EFHC2: variants seen among roughly 807,000 people sequenced by gnomAD.
EFHC2 encodes the protein EF-hand domain containing 2.
EFHC2 carries 18 observed loss-of-function variants against 52.7 expected under a neutral mutation model. The ratio of observed to expected loss-of-function variants is 0.34; its 90% CI spans 0.24 to 0.51. The LOEUF (loss-of-function observed/expected upper bound fraction) is 0.51, where lower values mean the gene tolerates loss of function less well. Ranked by LOEUF, EFHC2 falls within the 20% of genes least tolerant of loss-of-function variation. The pLI, the probability that EFHC2 is intolerant of heterozygous loss-of-function variation, is 0.97. For missense variants in EFHC2, 513 were observed against 562.5 expected (o/e 0.91, Z 0.89); for synonymous variants, 203 against 204.1 (o/e 0.99, Z 0.04).
At chrX:44,292,187 A>G (rs1293238174) in intron 2 of EFHC2, among the ~76,000 whole-genome samples, 4 of 110,676 alleles carry the variant, frequency 3.6e-5, no homozygotes, top group Non-Finnish European at 7.5e-5. Flanking sequence ...TTTATCTTTT[A>G]TAATATTTTT....
At position 44,232,528 on chromosome X, in the gene EFHC2, T is replaced by A. The variant is rs1368498617; in HGVS notation, c.1573A>T (p.Asn525Tyr). ...NVNGYLFRLL[N>Y]ADEYTLNYME... is the part of the protein sequence containing the mutation. ...TAGTTTAAGGTATACTCATCAGCAT[T>A]GAGCAAACGAAATAGGTAACCATTC... The change falls in exon 10 of 15, where the codon AAT becomes TAT. Residue 525 changes from asparagine (N) to tyrosine (Y), a missense_variant. Transcript: ENST00000420999. The A allele has an allele frequency of 8.5e-7, 1 of 1,179,063 alleles. No individual in the cohort carries two copies. Among genetic ancestry groups the A allele is most frequent in the East Asian group, 3.0e-5 (1 of 32,999 alleles).
intron 4 of EFHC2, among the ~76,000 whole-genome samples, chrX:44,254,855 G>A (rs2037479822): frequency 8.9e-6 from 1 of 111,872 alleles, no homozygotes; most frequent in Non-Finnish European, 1.9e-5. Flanking sequence ...AGGAAAAAGT[G>A]TCAAGGGCAG....
At chrX:44,315,274 G>A (rs1422714690) in intron 1 of EFHC2, among the ~76,000 whole-genome samples, 1 of 110,040 alleles carries the variant, frequency 9.1e-6, no homozygotes, top group African/African-American at 3.3e-5. Flanking sequence ...TTCTTGTACA[G>A]CCTGCAGAAC....
At chrX:44,272,419 G>A (rs887781138) in intron 3 of EFHC2, among the ~76,000 whole-genome samples, 4 of 112,087 alleles carry the variant, frequency 3.6e-5, no homozygotes, top group African/African-American at 1.3e-4. Context: ...AGGCACAGGA[G>A]AGTTTACTCA....
In EFHC2 at chrX:44,235,507, T is replaced by A; in HGVS notation, c.1281-60A>T. 3 of 1,060,261 alleles carry A rather than the reference T, an allele frequency of 2.8e-6. No homozygotes were observed. The Admixed American group carries it at 1.0e-4, about 35-fold the overall frequency. 87.4% of individuals were successfully genotyped at this position (1,060,261 alleles called of 1,213,427 possible). A position where few individuals can be genotyped will look rare whatever the true frequency, so the allele number is the denominator to read the frequency against. ...ACAGGTAATCTTCCACATATTATGT[T>A]TTTAAAAGTCTGCAAAAGATATAAT... is the stretch of plus-strand genomic sequence containing the variant. On this transcript the variant is annotated intron_variant, in intron 8 of 14. Transcript: ENST00000420999.
intron 13 of EFHC2, among the ~76,000 whole-genome samples, chrX:44,171,155 G>A (rs190166056): frequency 1.8e-5 from 2 of 111,262 alleles, no homozygotes; most frequent in East Asian, 2.8e-4. Flanking sequence ...ACGACCCCTC[G>A]AACATGCTTC....
At chrX:44,319,871 C>A (rs748462464) in intron 1 of EFHC2, among the ~76,000 whole-genome samples, 1 of 112,329 alleles carries the variant, frequency 8.9e-6, no homozygotes, top group East Asian at 2.8e-4. Context: ...GTTTCACAGC[C>A]TCTGACCCTA....
chrX:44,232,355 G>A (rs1243754433), intron 10 of EFHC2, 126 bp downstream of exon 10: 1 of 447,836 alleles, frequency 2.2e-6, no homozygotes, highest in Non-Finnish European at 3.4e-6. Context: ...CATTATTCAT[G>A]CCCACATGTG....
At chrX:44,316,971 A>G (rs1466291877) in intron 1 of EFHC2, among the ~76,000 whole-genome samples, 1 of 112,218 alleles carries the variant, frequency 8.9e-6, no homozygotes, top group Non-Finnish European at 1.9e-5. Flanking sequence ...GACCGTCATT[A>G]CAAGAGTTAC....
chrX:44,295,846 C>T (rs1376987045), intron 2 of EFHC2, among the ~76,000 whole-genome samples: 1 of 111,309 alleles, frequency 9.0e-6, no homozygotes, highest in African/African-American at 3.3e-5. Context: ...AATAATAAGC[C>T]AGTGTGGCTT....
At position 44,288,443 on chromosome X, in the gene EFHC2, G is replaced by A. The variant is rs1366862120; in HGVS notation, c.232-15607C>T. Among the ~76,000 whole-genome samples the A allele has an allele frequency of 2.7e-5, 3 of 110,175 alleles. No homozygotes were observed. In the Admixed American group the frequency reaches 2.9e-4, roughly 11 times the overall value. On this transcript the variant is annotated intron_variant, in intron 2 of 14. Transcript: ENST00000420999. ...AAAAAAAAAAACACACAAAGAGGGA[G>A]TAAAATAGCCCATAATGCTACCCAC... is the stretch of plus-strand genomic sequence containing the variant.
intron 14 of EFHC2, among the ~76,000 whole-genome samples, chrX:44,149,523 TA>T (rs2036552822): frequency 8.9e-6 from 1 of 112,038 alleles, no homozygotes; most frequent in Admixed American, 9.5e-5. Flanking sequence ...TTTATTTTAT[TA>T]TTTTTTTTAA....
intron 2 of EFHC2, chrX:44,310,491 A>G (rs903852136): frequency 1.7e-5 from 9 of 538,619 alleles, no homozygotes; most frequent in Non-Finnish European, 2.6e-5. Context: ...GTAGCGCGGC[A>G]AAGGAGAGTG....
chrX:44,175,684 A>T (rs968717087), intron 13 of EFHC2, among the ~76,000 whole-genome samples: 1 of 111,902 alleles, frequency 8.9e-6, no homozygotes, highest in Non-Finnish European at 1.9e-5. Flanking sequence ...TGAAAATGTC[A>T]GAATTATCAA....
At chrX:44,243,854 A>T (rs1287534864) in intron 7 of EFHC2, among the ~76,000 whole-genome samples, 1 of 112,077 alleles carries the variant, frequency 8.9e-6, no homozygotes, top group Non-Finnish European at 1.9e-5. Flanking sequence ...GCAGAATTGC[A>T]GTAGACTCTA....
chrX:44,270,933 G>A (rs960816369), intron 3 of EFHC2, among the ~76,000 whole-genome samples: 1 of 111,301 alleles, frequency 9.0e-6, no homozygotes, highest in Non-Finnish European at 1.9e-5. Flanking sequence ...CATACTAGTA[G>A]CAGGGAAGGT....
chrX:44,165,805 G>A (rs778457838), intron 13 of EFHC2, among the ~76,000 whole-genome samples: 1 of 111,523 alleles, frequency 9.0e-6, no homozygotes, highest in East Asian at 2.8e-4. Flanking sequence ...AGGAGTTGGG[G>A]CTTTAGGAAA....
At chrX:44,214,084 T>C (rs2037124080) in intron 11 of EFHC2, among the ~76,000 whole-genome samples, 1 of 111,225 alleles carries the variant, frequency 9.0e-6, no homozygotes, top group African/African-American at 3.3e-5. Context: ...ATCCAAGAAC[T>C]GTGGGACAAC....
intron 13 of EFHC2, among the ~76,000 whole-genome samples, chrX:44,175,781 T>G (rs2036781483): frequency 9.0e-6 from 1 of 111,383 alleles, no homozygotes; most frequent in Non-Finnish European, 1.9e-5. Context: ...GAGAGGGACA[T>G]GCCAGGAAAT....
Sources: allele counts gnomAD v4.1 joint callset (sites outside exome capture counted in the v4.1 genomes callset), GRCh38; gene constraint gnomAD v4.1.1; transcripts MANE v1.5; gene names NCBI Gene and HGNC (gene_info 2026-07-23, HGNC 2026-07-21).